The following CREBL2 variants were observed in gnomAD, a reference collection of about 807,000 sequenced individuals.
CREBL2 encodes cAMP-responsive element-binding protein-like 2.
In CREBL2, 4 loss-of-function variants were observed where a neutral mutation model predicts 19.5. The observed-to-expected ratio is 0.20, with a 90% confidence interval of 0.10 to 0.47. CREBL2 has a LOEUF of 0.47. CREBL2 is among the 20% of genes least tolerant of loss of function. The pLI, the probability that CREBL2 is intolerant of heterozygous loss-of-function variation, is 0.98. For synonymous variants in CREBL2, 42 were observed against 46.6 expected, an observed-to-expected ratio of 0.90 and a Z score of 0.40; for missense variants, 85 against 145.1, an observed-to-expected ratio of 0.59 and a Z score of 2.13.
intron 1 of CREBL2, among the ~76,000 whole-genome samples, chr12:12,613,396 T>C (rs1013889738): frequency 1.3e-5 from 2 of 152,246 alleles, no homozygotes; most frequent in African/African-American, 2.4e-5. Flanking sequence ...CTCTTTACGA[T>C]AGCTTTGTCC....
intron 1 of CREBL2, among the ~76,000 whole-genome samples, chr12:12,624,988 G>T (rs2136302274): frequency 6.6e-6 from 1 of 152,324 alleles, no homozygotes; most frequent in Non-Finnish European, 1.5e-5. Flanking sequence ...TCTCCAGCCA[G>T]ACTCTTCTCT....
At chr12:12,632,110 C>T (rs1198453685) in intron 1 of CREBL2, among the ~76,000 whole-genome samples, 7 of 111,758 alleles carry the variant, frequency 6.3e-5, no homozygotes, top group Non-Finnish European at 8.3e-5. Flanking sequence ...CGGAGTCTCG[C>T]TCTGTCGCCC....
intron 3 of CREBL2, among the ~76,000 whole-genome samples, chr12:12,640,744 T>C (rs989790548): frequency 6.6e-6 from 1 of 152,228 alleles, no homozygotes; most frequent in African/African-American, 2.4e-5. Context: ...GGTCCCTGAG[T>C]TTCCGCAACA....
At chr12:12,626,629 A>G (rs930868369) in intron 1 of CREBL2, among the ~76,000 whole-genome samples, 1 of 152,216 alleles carries the variant, frequency 6.6e-6, no homozygotes, top group Non-Finnish European at 1.5e-5. Flanking sequence ...GATTCTTAGT[A>G]TATTCACAGA....
intron 1 of CREBL2, chr12:12,614,608 C>T (rs939900097): frequency 7.4e-6 from 2 of 269,324 alleles, no homozygotes; most frequent in Non-Finnish European, 1.5e-5. Flanking sequence ...GCTGGGACTA[C>T]AGGAATGCAC....
intron 1 of CREBL2, among the ~76,000 whole-genome samples, chr12:12,624,750 G>A (rs1945387575): frequency 6.6e-6 from 1 of 152,208 alleles, no homozygotes; most frequent in African/African-American, 2.4e-5. Flanking sequence ...TTCTTGTGAG[G>A]CAACTGCCTT....
At position 12,641,247 on chromosome 12, in the gene CREBL2, A is replaced by ATTTTTTTTTT. The variant is rs1380373401; in HGVS notation, c.359-745_359-744insTTTTTTTTTT. Among the ~76,000 whole-genome samples the ATTTTTTTTTT allele has an allele frequency of 8.6e-4, 19 of 22,076 alleles. 1 individual carries two copies. Among genetic ancestry groups the ATTTTTTTTTT allele is most frequent in the South Asian group, 4.0e-3 (2 of 494 alleles). 14.5% of individuals were successfully genotyped at this position (22,076 alleles called of 152,430 possible). A position where few individuals can be genotyped will look rare whatever the true frequency, so the allele number is the denominator to read the frequency against. ...AACCTTTATTATTATTATTATTATT[A>ATTTTTTTTTT]TTATTATTTTTTTTTATTTTTTTTT... is the stretch of plus-strand genomic sequence containing the variant. On this transcript the variant is annotated intron_variant, in intron 3 of 3. Coordinates refer to ENST00000228865, the MANE Select transcript of CREBL2 (RefSeq NM_001310.4).
At chr12:12,617,431 T>C (rs564741032) in intron 1 of CREBL2, among the ~76,000 whole-genome samples, 104 of 152,232 alleles carry the variant, frequency 6.8e-4, no homozygotes, top group African/African-American at 2.4e-3. Context: ...CTAATTTATT[T>C]AACTTTTTTG....
At chr12:12,630,620 T>TA (rs1945436390) in intron 1 of CREBL2, among the ~76,000 whole-genome samples, 1 of 152,182 alleles carries the variant, frequency 6.6e-6, no homozygotes, top group Non-Finnish European at 1.5e-5. Flanking sequence ...TATTTATCAT[T>TA]ACATTCTATC....
intron 1 of CREBL2, among the ~76,000 whole-genome samples, chr12:12,635,116 T>C (rs1207422480): frequency 6.6e-6 from 1 of 151,792 alleles, no homozygotes; most frequent in Non-Finnish European, 1.5e-5. Context: ...TCCTAGCACC[T>C]TGGGAGGCCA....
chr12:12,617,640 A>ATTTTTT (rs1592237146), intron 1 of CREBL2, among the ~76,000 whole-genome samples: 4 of 16,536 alleles, frequency 2.4e-4, no homozygotes, highest in East Asian at 1.5e-3. Flanking sequence ...CATTTTAGTA[A>ATTTTTT]TTCTTTTTTT....
In CREBL2 at chr12:12,637,416, T is replaced by C. The variant is rs1025060698; in HGVS notation, c.214-154T>C. Among the ~76,000 whole-genome samples the C allele has an allele frequency of 2.0e-5, 3 of 152,100 alleles. 1 individual carries two copies. The highest frequency in any genetic ancestry group is 3.8e-4 in the East Asian group (2 of 5,198). ...CCTCAGTTATAAATAGGTAATACCA[T>C]GGAGGGTGGGATTCCCAGCAGCGAA... On this transcript the variant is annotated intron_variant, in intron 2 of 3. Coordinates refer to ENST00000228865, the MANE Select transcript of CREBL2 (RefSeq NM_001310.4).
chr12:12,630,148 T>A (rs891696470), intron 1 of CREBL2, among the ~76,000 whole-genome samples: 2 of 152,146 alleles, frequency 1.3e-5, no homozygotes, highest in African/African-American at 2.4e-5. Context: ...CCTATTCCAC[T>A]TTTTGGAAGA....
chr12:12,621,296 ATCACCTGAGG>A (rs1945357435), intron 1 of CREBL2, among the ~76,000 whole-genome samples: 1 of 152,230 alleles, frequency 6.6e-6, no homozygotes, highest in Non-Finnish European at 1.5e-5. Context: ...AGGCGGGCAG[ATCACCTGAGG>A]TCAGGAGTTC....
At chr12:12,614,691 C>T (rs775330574) in intron 1 of CREBL2, 31 of 279,006 alleles carry the variant, frequency 1.1e-4, no homozygotes, top group Middle Eastern at 2.5e-3. Context: ...TTCCTTCACA[C>T]GTTTCTGGAA....
chr12:12,620,764 T>C (rs981299861), intron 1 of CREBL2, among the ~76,000 whole-genome samples: 12 of 152,262 alleles, frequency 7.9e-5, no homozygotes, highest in African/African-American at 2.7e-4. Context: ...ACACCTGATA[T>C]GTACGAGGCA....
Position 12,641,752 on chromosome 12 carries a change from C to T in CREBL2, c.359-242C>T, listed in dbSNP as rs150084345. 4.1e-3 allele frequency among the ~76,000 whole-genome samples: 625 copies of T among 152,168 alleles called. 8 individuals carry two copies. The highest frequency in any genetic ancestry group is 0.014 in the African/African-American group (578 of 41,516). ...ACTCCACCACTATACAATTCACCCA[C>T]GTAACCAAAAACCACTTCTACCCCA... On this transcript the variant is annotated intron_variant, in intron 3 of 3. Transcript: ENST00000228865.
chr12:12,627,863 C>T (rs373897511), intron 1 of CREBL2, among the ~76,000 whole-genome samples: 6 of 152,256 alleles, frequency 3.9e-5, no homozygotes, highest in African/African-American at 1.2e-4. Context: ...TCACTTTCTC[C>T]ACATCTGCAC....
At position 12,612,321 on chromosome 12, in the gene CREBL2, C is replaced by T. The variant is rs1945273995; in HGVS notation, c.15+134C>T. ...AAAACATCCCTGCGCCTCTCCAGTC[C>T]ACTGCCCGATGGTACCCAGCCAGGA... On this transcript the variant is annotated intron_variant, in intron 1 of 3. Coordinates refer to ENST00000228865, the MANE Select transcript of CREBL2 (RefSeq NM_001310.4). 2.0e-6 allele frequency: 3 copies of T among 1,506,826 alleles called. No homozygotes were observed. In the South Asian group the frequency reaches 3.5e-5, roughly 18 times the overall value. 93.3% of individuals were successfully genotyped at this position (1,506,826 alleles called of 1,614,324 possible). A position where few individuals can be genotyped will look rare whatever the true frequency, so the allele number is the denominator to read the frequency against.
Sources: allele counts gnomAD v4.1 joint callset (sites outside exome capture counted in the v4.1 genomes callset), GRCh38; gene constraint gnomAD v4.1.1; transcripts MANE v1.5; gene names NCBI Gene and HGNC (gene_info 2026-07-23, HGNC 2026-07-21).